Variants in FRMD5 observed in about 807,000 individuals in gnomAD.
FRMD5 encodes the protein FERM domain-containing protein 5.
A neutral mutation model predicts 69.0 loss-of-function variants in FRMD5; 20 were observed. That is an observed-to-expected ratio of 0.29 (90% CI 0.20 to 0.42). The LOEUF (loss-of-function observed/expected upper bound fraction) is 0.42, where lower values mean the gene tolerates loss of function less well. FRMD5 is among the 10% of genes least tolerant of loss of function. The pLI, the probability that FRMD5 is intolerant of heterozygous loss-of-function variation, is 1.00. For synonymous variants in FRMD5, 271 were observed against 260.1 expected (o/e 1.04, Z -0.40); for missense variants, 595 against 708.6 (o/e 0.84, Z 1.82).
intron 1 of FRMD5, among the ~76,000 whole-genome samples, chr15:44,020,325 G>A (rs1437012464): frequency 6.6e-6 from 1 of 152,088 alleles, no homozygotes; most frequent in African/African-American, 2.4e-5. Flanking sequence ...CAGTATTGTA[G>A]CAGCATAGGT....
intron 1 of FRMD5, among the ~76,000 whole-genome samples, chr15:44,174,612 A>G (rs2077861376): frequency 6.6e-6 from 1 of 152,204 alleles, no homozygotes; most frequent in African/African-American, 2.4e-5. Context: ...TAGTTTCCAT[A>G]TACTACTTTT....
intron 1 of FRMD5, among the ~76,000 whole-genome samples, chr15:44,018,429 A>G (rs1891066220): frequency 6.6e-6 from 1 of 152,176 alleles, no homozygotes; most frequent in African/African-American, 2.4e-5. Flanking sequence ...GAAAAATTTG[A>G]TTAAGTTTGG....
chr15:43,941,165 G>A (rs1195466233), intron 1 of FRMD5, among the ~76,000 whole-genome samples: 1 of 152,158 alleles, frequency 6.6e-6, no homozygotes, highest in Non-Finnish European at 1.5e-5. Context: ...CCAGCAGTTG[G>A]AGACCAGCCT....
chr15:44,144,359 C>A (rs891000322), intron 1 of FRMD5, among the ~76,000 whole-genome samples: 2 of 152,182 alleles, frequency 1.3e-5, no homozygotes, highest in African/African-American at 4.8e-5. Context: ...TCTGAATGTT[C>A]CCTCTTATCT....
intron 1 of FRMD5, among the ~76,000 whole-genome samples, chr15:44,042,340 A>C (rs1595662119): frequency 6.6e-6 from 1 of 152,340 alleles, no homozygotes; most frequent in East Asian, 1.9e-4. Flanking sequence ...CCCGAATTCT[A>C]CCAGAGGTAC....
intron 1 of FRMD5, among the ~76,000 whole-genome samples, chr15:43,993,693 C>T (rs565035169): frequency 6.6e-6 from 1 of 152,216 alleles, no homozygotes; most frequent in African/African-American, 2.4e-5. Context: ...AAGTCCCCTA[C>T]TATTATTGTG....
At chr15:43,951,163 A>G (rs539239134) in intron 1 of FRMD5, among the ~76,000 whole-genome samples, 4 of 152,086 alleles carry the variant, frequency 2.6e-5, no homozygotes, top group South Asian at 2.1e-4. Context: ...GCTCACACCT[A>G]TAATCCCAGC....
chr15:43,942,447 A>G (rs1484056936), intron 1 of FRMD5, among the ~76,000 whole-genome samples: 2 of 152,212 alleles, frequency 1.3e-5, no homozygotes, highest in African/African-American at 4.8e-5. Flanking sequence ...TGGGACTTTG[A>G]CAATCCAAAC....
At chr15:43,915,006 C>T (rs1038057523) in intron 4 of FRMD5, among the ~76,000 whole-genome samples, 6 of 152,144 alleles carry the variant, frequency 3.9e-5, no homozygotes, top group African/African-American at 1.4e-4. Context: ...GGATTACAGG[C>T]GTGAGCCACT....
chr15:43,953,164 A>G (rs2090062896), intron 1 of FRMD5, among the ~76,000 whole-genome samples: 1 of 152,194 alleles, frequency 6.6e-6, no homozygotes, highest in Non-Finnish European at 1.5e-5. Context: ...CTCTACCCCA[A>G]TGTCCAGTGA....
At chr15:44,007,112 G>A (rs921436976) in intron 1 of FRMD5, among the ~76,000 whole-genome samples, 1 of 152,056 alleles carries the variant, frequency 6.6e-6, no homozygotes, top group Non-Finnish European at 1.5e-5. Flanking sequence ...CAACATCAAG[G>A]CAGGACCTTC....
At chr15:43,918,241 T>C (rs1458152788) in intron 4 of FRMD5, among the ~76,000 whole-genome samples, 1 of 152,056 alleles carries the variant, frequency 6.6e-6, no homozygotes, top group Admixed American at 6.5e-5. Flanking sequence ...CTGGTTAACA[T>C]GGTGAAACCC....
Position 43,885,698 on chromosome 15 carries a change from C to T in FRMD5, c.942G>A (p.Gly314=), listed in dbSNP as rs753386658. The T allele has an allele frequency of 1.9e-6, 3 of 1,614,026 alleles. No individual in the cohort carries two copies. The highest frequency in any genetic ancestry group is 3.3e-5 in the Admixed American group (2 of 60,018). Residue 314 remains glycine, a synonymous_variant, in exon 11 of 14, where the codon GGG becomes GGA. Transcript: ENST00000417257. ...TVSSSNLFFK[G]SRFRYSGRVA... The stretch of plus-strand genomic sequence containing the variant: ...CTATTTACCTGTATCGGAACCGGCT[C>T]CCTTTAAAGAATAAATTGCTGCTGG...
At chr15:44,017,401 A>G (rs533402565) in intron 1 of FRMD5, among the ~76,000 whole-genome samples, 1 of 152,070 alleles carries the variant, frequency 6.6e-6, no homozygotes, top group East Asian at 1.9e-4. Flanking sequence ...TTTGAGATCA[A>G]ATGAGATCAT....
intron 1 of FRMD5, among the ~76,000 whole-genome samples, chr15:43,994,226 T>C (rs1398249540): frequency 6.6e-6 from 1 of 152,170 alleles, no homozygotes; most frequent in African/African-American, 2.4e-5. Context: ...TTACTTTTTA[T>C]TTTTTGTGAA....
intron 1 of FRMD5, among the ~76,000 whole-genome samples, chr15:44,073,805 A>G (rs1042008679): frequency 5.3e-5 from 8 of 152,178 alleles, no homozygotes; most frequent in Admixed American, 5.2e-4. Flanking sequence ...TTCATATGAA[A>G]TTTTTAAAAT....
Position 43,873,697 on chromosome 15 carries a change from T to A in FRMD5, c.*188A>T. 1 of 1,513,980 alleles carries A rather than the reference T, an allele frequency of 6.6e-7. No homozygotes were observed. The highest frequency in any genetic ancestry group is 8.8e-7 in the Non-Finnish European group (1 of 1,140,760). 93.8% of individuals were successfully genotyped at this position (1,513,980 alleles called of 1,614,324 possible). A position where few individuals can be genotyped will look rare whatever the true frequency, so the allele number is the denominator to read the frequency against. ...GAAGAAAATGAGTTTTCCCAGTTTG[T>A]TTAGACAGGGCATGAGCCTATCCCT... On this transcript the variant is annotated 3_prime_UTR_variant, in exon 14 of 14. Transcript: ENST00000417257.
At chr15:43,967,618 G>A (rs1036353449) in intron 1 of FRMD5, among the ~76,000 whole-genome samples, 1 of 152,132 alleles carries the variant, frequency 6.6e-6, no homozygotes, top group Admixed American at 6.6e-5. Context: ...TGTTGAAACT[G>A]AGGTTTAAAG....
intron 1 of FRMD5, among the ~76,000 whole-genome samples, chr15:43,953,903 T>C (rs1286138043): frequency 6.6e-6 from 1 of 152,232 alleles, no homozygotes; most frequent in Non-Finnish European, 1.5e-5. Context: ...CTTCCTACTT[T>C]ATAAATGAAG....
Sources: gnomAD v4.1 joint callset for allele counts (sites outside exome capture counted in the v4.1 genomes callset) on GRCh38, gnomAD v4.1.1 for gene constraint, MANE v1.5 for transcripts, NCBI Gene and HGNC (gene_info 2026-07-23, HGNC 2026-07-21) for gene names.